The following PYGL variants were observed in gnomAD, a reference collection of about 807,000 sequenced individuals.
PYGL encodes the protein glycogen phosphorylase L.
A neutral mutation model predicts 100.1 loss-of-function variants in PYGL; 90 were observed. The ratio of observed to expected loss-of-function variants is 0.90; its 90% CI spans 0.76 to 1.07. PYGL has a LOEUF of 1.07. Among genes scored for constraint, PYGL ranks in the 50% least tolerant of loss-of-function variants. The pLI is 0.00. For missense variants in PYGL, 1,016 were observed against 1,057.6 expected (o/e 0.96, Z 0.55); for synonymous variants, 373 against 393.0 (o/e 0.95, Z 0.60).
rs777776127 is a variant in PYGL at position 50,915,876 on chromosome 14, C to G, written c.1188G>C (p.Leu396=). Residue 396 remains leucine (L), a synonymous_variant, in exon 10 of 20, where the codon CTG becomes CTC. Coordinates refer to ENST00000216392, the MANE Select transcript of PYGL (RefSeq NM_002863.5). ...ERWPVDLVEK[L]LPRHLEIIYE... is the part of the protein sequence containing the mutation. ...AAATGATTTCCAAATGTCGAGGGAG[C>G]AGCTTCTCCACCAGGTCCACGGGCC... is the stretch of plus-strand genomic sequence containing the variant. 1 of 1,614,076 alleles carries G rather than the reference C, an allele frequency of 6.2e-7. No individual in the cohort carries two copies. Among genetic ancestry groups the G allele is most frequent in the East Asian group, 2.2e-5 (1 of 44,902 alleles).
intron 7 of PYGL, among the ~76,000 whole-genome samples, chr14:50,917,931 TA>T (rs2050468812): frequency 6.6e-6 from 1 of 151,942 alleles, no homozygotes; most frequent in South Asian, 2.1e-4. Flanking sequence ...TAACTTCTAT[TA>T]AAAATGTGAG....
intron 8 of PYGL, 103 bp from the exon 9 acceptor site, chr14:50,916,837 G>T: frequency 1.3e-6 from 2 of 1,544,070 alleles, no homozygotes; most frequent in Non-Finnish European, 1.8e-6. Context: ...CACCTTCTAT[G>T]AAAGACTTGA....
At chr14:50,933,722 T>C (rs1349828810) in intron 3 of PYGL, among the ~76,000 whole-genome samples, 1 of 152,134 alleles carries the variant, frequency 6.6e-6, no homozygotes. Flanking sequence ...GACCTTTTTT[T>C]CTACATATTC....
intron 6 of PYGL, 111 bp from the exon 7 acceptor site, chr14:50,920,734 A>G (rs1031506388): frequency 1.5e-5 from 18 of 1,237,802 alleles, no homozygotes; most frequent in Non-Finnish European, 2.1e-5. Flanking sequence ...TAAAATTCCT[A>G]AAAATCCCAA....
intron 2 of PYGL, among the ~76,000 whole-genome samples, chr14:50,937,533 G>A (rs561793730): frequency 2.6e-5 from 4 of 152,306 alleles, no homozygotes; most frequent in South Asian, 2.1e-4. Flanking sequence ...GAGTCATAAC[G>A]AGTTATCTAA....
intron 2 of PYGL, 146 bp downstream of exon 2, chr14:50,937,590 A>G: frequency 1.4e-6 from 1 of 736,872 alleles, no homozygotes; most frequent in South Asian, 1.6e-5. Context: ...AGTGATGTAT[A>G]TTTCTAAAAG....
At chr14:50,921,596 G>T in intron 5 of PYGL, 1 of 154,140 alleles carries the variant, frequency 6.5e-6, no homozygotes, top group Admixed American at 6.4e-5. Flanking sequence ...TAGCCAGGAT[G>T]GTTTCGATCT....
intron 4 of PYGL, among the ~76,000 whole-genome samples, chr14:50,925,778 C>T (rs2050541847): frequency 6.6e-6 from 1 of 152,184 alleles, no homozygotes; most frequent in Non-Finnish European, 1.5e-5. Flanking sequence ...ATAGCAACAA[C>T]ATCTTTAGTT....
In PYGL at chr14:50,915,973, T is replaced by TG; in HGVS notation, c.1093-3dup. The TG allele has an allele frequency of 6.2e-7, 1 of 1,614,060 alleles. No individual in the cohort carries two copies. Among genetic ancestry groups the TG allele is most frequent in the Non-Finnish European group, 8.5e-7 (1 of 1,180,024 alleles). On this transcript the variant is annotated splice_polypyrimidine_tract_variant and splice_region_variant and intron_variant, in intron 9 of 19. Coordinates refer to ENST00000216392, the MANE Select transcript of PYGL (RefSeq NM_002863.5). ...GGTCTTCTGGGTGAGCTCCCATGCC[T>TG]GGGGGAAAGGAAGGAGTCAGCTGCT...
chr14:50,937,901 A>G, intron 1 of PYGL, 64 bp from the exon 2 acceptor site: 1 of 1,410,938 alleles, frequency 7.1e-7, no homozygotes, highest in Non-Finnish European at 1.0e-6. Flanking sequence ...ACATAAAAAC[A>G]CAAGGTCATG....
At chr14:50,927,267 C>A (rs945191146) in intron 4 of PYGL, among the ~76,000 whole-genome samples, 2 of 152,158 alleles carry the variant, frequency 1.3e-5, no homozygotes, top group Non-Finnish European at 1.5e-5. Flanking sequence ...CTCTGTCGCC[C>A]AGGCTGGAGT....
intron 1 of PYGL, among the ~76,000 whole-genome samples, chr14:50,943,224 C>T (rs1326841357): frequency 6.6e-6 from 1 of 152,162 alleles, no homozygotes; most frequent in African/African-American, 2.4e-5. Context: ...AGTTTCCTCT[C>T]CCAATACAGA....
At chr14:50,937,678 C>T in intron 2 of PYGL, 58 bp downstream of exon 2, 2 of 1,499,186 alleles carry the variant, frequency 1.3e-6, no homozygotes, top group Non-Finnish European at 1.9e-6. Flanking sequence ...CCCCAAGTTT[C>T]CTGAAGTGCA....
chr14:50,915,538 G>A (rs773111605), intron 10 of PYGL, 39 bp from the exon 11 acceptor site: 1 of 1,610,616 alleles, frequency 6.2e-7, no homozygotes. Context: ...GGTCACTCAG[G>A]TTTAATGCAA....
chr14:50,943,915 G>A (rs1051168003), intron 1 of PYGL, among the ~76,000 whole-genome samples: 7 of 152,234 alleles, frequency 4.6e-5, no homozygotes, highest in Non-Finnish European at 8.8e-5. Context: ...AGGGGCGGAC[G>A]GCACAGTGGT....
At chr14:50,937,653 T>G in intron 2 of PYGL, 83 bp downstream of exon 2, 1 of 1,350,164 alleles carries the variant, frequency 7.4e-7, no homozygotes, top group African/African-American at 1.4e-5. Flanking sequence ...TTTACTTTAT[T>G]TTTTTGTGCA....
Position 50,914,775 on chromosome 14 carries a change from T to G in PYGL, c.1444A>C (p.Asn482His). The G allele has an allele frequency of 6.2e-7, 1 of 1,614,060 alleles. No homozygotes were observed. The highest frequency in any genetic ancestry group is 2.2e-5 in the East Asian group (1 of 44,890). The change falls in exon 12 of 20, where the codon AAT becomes CAT. Residue 482 changes from asparagine to histidine, a missense_variant. Asn to His is a moderately conservative substitution (Grantham distance 68). Transcript: ENST00000216392. ...CTTGGAGTGATCCCATTGGTTTTAT[T>G]CTGAAACTTGTCAGGTTCTAGCTCA... ...FSELEPDKFQ[N>H]KTNGITPRRW... is the part of the protein sequence containing the mutation.
At chr14:50,919,005 A>G (rs2050477210) in intron 7 of PYGL, among the ~76,000 whole-genome samples, 1 of 152,202 alleles carries the variant, frequency 6.6e-6, no homozygotes, top group African/African-American at 2.4e-5. Context: ...TAATTACAGT[A>G]TAAAAGGATT....
Position 50,935,179 on chromosome 14 carries a change from A to G in PYGL, c.352T>C (p.Leu118=), listed in dbSNP as rs1305336269. Reference sequence around the variant, plus strand: ...ATTTCTTCTAACTCTTCTATATCCAATCCAAGCTGGTAATGAAAGGAAAAC... The same window carrying G: ...ATTTCTTCTAACTCTTCTATATCCAGTCCAAGCTGGTAATGAAAGGAAAAC... ...ACDEAIYQLG[L]DIEELEEIEE... is the part of the protein sequence containing the mutation. The change falls in exon 3 of 20, where the codon TTG becomes CTG. Residue 118 remains leucine (L), a synonymous_variant. Coordinates refer to ENST00000216392, the MANE Select transcript of PYGL (RefSeq NM_002863.5). The G allele has an allele frequency of 3.7e-6, 6 of 1,610,474 alleles. No homozygotes were observed. The highest frequency in any genetic ancestry group is 3.3e-5 in the Admixed American group (2 of 59,990).
Sources: allele counts gnomAD v4.1 joint callset (sites outside exome capture counted in the v4.1 genomes callset), GRCh38; gene constraint gnomAD v4.1.1; transcripts MANE v1.5; gene names NCBI Gene and HGNC (gene_info 2026-07-23, HGNC 2026-07-21).